Variants in RBFOX1 observed in about 807,000 individuals in gnomAD.
The protein encoded by RBFOX1 is RNA binding protein fox-1 homolog 1.
Under a neutral mutation model 57.7 loss-of-function variants are expected in RBFOX1, and 8 were observed. That is an observed-to-expected ratio of 0.14 (90% confidence interval 0.08 to 0.25). The LOEUF (loss-of-function observed/expected upper bound fraction) is 0.25, where lower values mean the gene tolerates loss of function less well. Among genes scored for constraint, RBFOX1 ranks in the 10% least tolerant of loss-of-function variants. The pLI is 1.00. For missense variants in RBFOX1, 611 were observed against 548.5 expected (o/e 1.11, Z -1.14); for synonymous variants, 326 against 222.4 (o/e 1.47, Z -4.15).
At chr16:6,338,585 G>C (rs1252132000) in intron 2 of RBFOX1, among the ~76,000 whole-genome samples, 1 of 152,210 alleles carries the variant, frequency 6.6e-6, no homozygotes, top group African/African-American at 2.4e-5. Context: ...GTCACTGGAT[G>C]AAATCTAAGT....
chr16:6,123,240 T>C (rs938827054), intron 1 of RBFOX1, among the ~76,000 whole-genome samples: 31 of 152,234 alleles, frequency 2.0e-4, no homozygotes, highest in African/African-American at 6.3e-4. Context: ...AGCCAAAAGG[T>C]GGAAACAACC....
intron 3 of RBFOX1, among the ~76,000 whole-genome samples, chr16:6,884,139 A>G (rs2063496915): frequency 6.6e-6 from 1 of 152,240 alleles, no homozygotes; most frequent in Non-Finnish European, 1.5e-5. Context: ...TCGACCGAGC[A>G]GAGCTACTGC....
intron 4 of RBFOX1, among the ~76,000 whole-genome samples, chr16:7,496,428 C>T (rs2043716187): frequency 6.6e-6 from 1 of 152,176 alleles, no homozygotes; most frequent in Admixed American, 6.5e-5. Context: ...GAGGGGTGAG[C>T]CACTGTGCCT....
chr16:7,392,920 C>T (rs1396252010), intron 4 of RBFOX1, among the ~76,000 whole-genome samples: 1 of 152,110 alleles, frequency 6.6e-6, no homozygotes, highest in Non-Finnish European at 1.5e-5. Context: ...GTCCCCCAAG[C>T]TGGAGTGCAG....
At chr16:6,873,715 T>A (rs764055190) in intron 3 of RBFOX1, among the ~76,000 whole-genome samples, 2 of 152,168 alleles carry the variant, frequency 1.3e-5, no homozygotes, top group Non-Finnish European at 2.9e-5. Flanking sequence ...GTCACTATCA[T>A]CCTCTCATTG....
chr16:6,544,327 G>C (rs1377883293), intron 2 of RBFOX1, among the ~76,000 whole-genome samples: 4 of 152,182 alleles, frequency 2.6e-5, no homozygotes, highest in African/African-American at 9.6e-5. Flanking sequence ...CTAGAGCATA[G>C]CAGAAGTGTC....
chr16:7,426,841 G>C (rs988900151), intron 4 of RBFOX1, among the ~76,000 whole-genome samples: 2 of 152,112 alleles, frequency 1.3e-5, no homozygotes, highest in Non-Finnish European at 2.9e-5. Flanking sequence ...CAGGTCCTTG[G>C]TTATCATACA....
Position 5,540,565 on chromosome 16 carries a change from A to G in RBFOX1, c.259-58337A>G, listed in dbSNP as rs143389270. Among the ~76,000 whole-genome samples the G allele has an allele frequency of 8.3e-3, 1,260 of 152,276 alleles. 24 individuals carry two copies. The highest frequency in any genetic ancestry group is 0.028 in the African/African-American group (1,181 of 41,552). ...AACCCCGGGAAATCCACAGTAACGG[A>G]TCTTTAGTGGTATTTCTCAAATTGT... On this transcript the variant is annotated intron_variant, in intron 2 of 2. Coordinates refer to the RBFOX1 transcript ENST00000585867.
chr16:7,006,207 T>G (rs1421693620), intron 3 of RBFOX1, among the ~76,000 whole-genome samples: 1 of 152,132 alleles, frequency 6.6e-6, no homozygotes, highest in Non-Finnish European at 1.5e-5. Flanking sequence ...CAGGCTGGAG[T>G]GCAGTGGCAC....
intron 1 of RBFOX1, among the ~76,000 whole-genome samples, chr16:6,044,488 T>TAA (rs35188189): frequency 0.11 from 16,040 of 143,008 alleles, 1,658 homozygotes; most frequent in East Asian, 0.3. Context: ...TGTTTTAGGT[T>TAA]AAAAAAAAAA....
chr16:6,117,968 A>G (rs2096515216), intron 1 of RBFOX1, among the ~76,000 whole-genome samples: 1 of 152,334 alleles, frequency 6.6e-6, no homozygotes, highest in Middle Eastern at 3.4e-3. Context: ...TAAGAACACA[A>G]GATGGACATC....
intron 2 of RBFOX1, among the ~76,000 whole-genome samples, chr16:5,500,065 A>G (rs769457122): frequency 6.6e-6 from 1 of 150,660 alleles, no homozygotes; most frequent in Non-Finnish European, 1.5e-5. Flanking sequence ...CTCTCTCCTA[A>G]TCATCAGCCT....
chr16:7,397,502 G>T (rs1395718005), intron 4 of RBFOX1, among the ~76,000 whole-genome samples: 2 of 152,084 alleles, frequency 1.3e-5, no homozygotes, highest in South Asian at 2.1e-4. Context: ...AAAATGAAAA[G>T]AACCCACTGG....
chr16:6,729,345 T>C (rs1355665558), intron 3 of RBFOX1, among the ~76,000 whole-genome samples: 2 of 152,140 alleles, frequency 1.3e-5, no homozygotes, highest in Admixed American at 6.5e-5. Context: ...AGAATCAAGG[T>C]AAATCTAATT....
At chr16:7,342,327 T>C (rs1178196427) in intron 4 of RBFOX1, among the ~76,000 whole-genome samples, 1 of 152,146 alleles carries the variant, frequency 6.6e-6, no homozygotes, top group Non-Finnish European at 1.5e-5. Context: ...AACTCAGATC[T>C]TCCCACTCAG....
At chr16:7,652,979 G>A (rs930205541) in intron 11 of RBFOX1, among the ~76,000 whole-genome samples, 1 of 152,196 alleles carries the variant, frequency 6.6e-6, no homozygotes, top group Non-Finnish European at 1.5e-5. Context: ...AACCACTCAT[G>A]CAGTTCGGCC....
At chr16:7,317,460 C>G (rs1297377607) in intron 4 of RBFOX1, among the ~76,000 whole-genome samples, 1 of 152,136 alleles carries the variant, frequency 6.6e-6, no homozygotes, top group African/African-American at 2.4e-5. Flanking sequence ...CAATCCAGTG[C>G]TATTATCACC....
At chr16:5,999,104 G>C (rs527628823) in intron 4 of RBFOX1, among the ~76,000 whole-genome samples, 1 of 152,264 alleles carries the variant, frequency 6.6e-6, no homozygotes, top group East Asian at 1.9e-4. Context: ...GGAGGCTCAG[G>C]AGTCATTAGC....
intron 1 of RBFOX1, among the ~76,000 whole-genome samples, chr16:6,306,949 T>A (rs939755537): frequency 3.3e-5 from 5 of 152,148 alleles, no homozygotes; most frequent in African/African-American, 1.2e-4. Context: ...TTGGTGCTTA[T>A]ACCTTCTCTC....
Sources: allele counts gnomAD v4.1 joint callset (sites outside exome capture counted in the v4.1 genomes callset), GRCh38; gene constraint gnomAD v4.1.1; transcripts MANE v1.5; gene names NCBI Gene and HGNC (gene_info 2026-07-23, HGNC 2026-07-21).